PTPRM: variants seen among roughly 807,000 people sequenced by gnomAD.
PTPRM encodes the protein receptor-type tyrosine-protein phosphatase mu.
Under a neutral mutation model 186.7 loss-of-function variants are expected in PTPRM, and 47 were observed. The observed-to-expected ratio is 0.25, with a 90% CI of 0.20 to 0.32. The LOEUF (loss-of-function observed/expected upper bound fraction) is 0.32. PTPRM is among the 10% of genes least tolerant of loss of function. PTPRM has a pLI of 1.00. For missense variants in PTPRM, 1,494 were observed against 1,865.0 expected (o/e 0.80, Z 3.66); for synonymous variants, 668 against 674.9 (o/e 0.99, Z 0.16).
chr18:8,336,460 G>A (rs906162271), intron 22 of PTPRM, among the ~76,000 whole-genome samples: 1 of 152,036 alleles, frequency 6.6e-6, no homozygotes, highest in South Asian at 2.1e-4. Context: ...GCTGAGGTGG[G>A]AGGATCACTT....
chr18:8,332,585 C>A (rs1230511653), intron 22 of PTPRM, among the ~76,000 whole-genome samples: 3 of 152,054 alleles, frequency 2.0e-5, no homozygotes, highest in Non-Finnish European at 4.4e-5. Context: ...GGGTTGTGTG[C>A]GCTGGAGAAA....
intron 11 of PTPRM, among the ~76,000 whole-genome samples, chr18:8,090,809 C>T (rs967435333): frequency 3.9e-5 from 6 of 152,024 alleles, no homozygotes; most frequent in African/African-American, 1.4e-4. Flanking sequence ...TGACCAGGCT[C>T]GTCTTGAACT....
chr18:7,898,475 C>T (rs1666894861), intron 3 of PTPRM, among the ~76,000 whole-genome samples: 1 of 152,182 alleles, frequency 6.6e-6, no homozygotes, highest in South Asian at 2.1e-4. Flanking sequence ...ACTGCTTCTG[C>T]ATTTCTCCTG....
intron 1 of PTPRM, among the ~76,000 whole-genome samples, chr18:7,753,379 G>A (rs919267429): frequency 3.3e-5 from 5 of 151,992 alleles, no homozygotes; most frequent in Non-Finnish European, 7.4e-5. Context: ...AGGAAGCAGC[G>A]TGTTTTAAGA....
At chr18:8,046,948 A>G (rs1467652718) in intron 7 of PTPRM, among the ~76,000 whole-genome samples, 1 of 152,190 alleles carries the variant, frequency 6.6e-6, no homozygotes, top group African/African-American at 2.4e-5. Context: ...GCAACAAGGT[A>G]TTAATAAGCG....
chr18:7,961,165 A>G (rs1463482067), intron 7 of PTPRM, among the ~76,000 whole-genome samples: 1 of 152,162 alleles, frequency 6.6e-6, no homozygotes, highest in East Asian at 1.9e-4. Flanking sequence ...TTATTTTTAA[A>G]TGTACAATTA....
chr18:7,773,583 T>TG (rs1488501272), intron 1 of PTPRM, among the ~76,000 whole-genome samples: 3 of 150,572 alleles, frequency 2.0e-5, no homozygotes, highest in African/African-American at 2.4e-5. Context: ...TTTTTTTTTT[T>TG]TTTTTGTTTG....
At chr18:7,700,659 G>C (rs761293780) in intron 1 of PTPRM, among the ~76,000 whole-genome samples, 3 of 152,134 alleles carry the variant, frequency 2.0e-5, no homozygotes, top group Non-Finnish European at 4.4e-5. Flanking sequence ...CCTCCCAGGC[G>C]CCTGGAAGAT....
At chr18:7,999,606 G>A (rs1221331163) in intron 7 of PTPRM, among the ~76,000 whole-genome samples, 2 of 151,716 alleles carry the variant, frequency 1.3e-5, no homozygotes, top group Non-Finnish European at 2.9e-5. Context: ...AGGAGATAGT[G>A]GTAAGGTATT....
At chr18:8,273,963 C>T (rs2094803608) in intron 19 of PTPRM, among the ~76,000 whole-genome samples, 1 of 152,086 alleles carries the variant, frequency 6.6e-6, no homozygotes, top group African/African-American at 2.4e-5. Flanking sequence ...TTTCAATCCC[C>T]CAGCTCCTCT....
intron 2 of PTPRM, among the ~76,000 whole-genome samples, chr18:7,867,375 T>A (rs2047762469): frequency 6.6e-6 from 1 of 152,216 alleles, no homozygotes; most frequent in Non-Finnish European, 1.5e-5. Context: ...CTTGAGGAGT[T>A]CTTGTATTGC....
intron 13 of PTPRM, among the ~76,000 whole-genome samples, chr18:8,138,215 T>C (rs76151843): frequency 2.9e-4 from 44 of 149,606 alleles, no homozygotes; most frequent in South Asian, 1.3e-3. Flanking sequence ...CTTTTTTTTT[T>C]TCCCTCCTCT....
intron 23 of PTPRM, among the ~76,000 whole-genome samples, chr18:8,363,816 G>A (rs1430199394): frequency 6.6e-6 from 1 of 152,192 alleles, no homozygotes; most frequent in Non-Finnish European, 1.5e-5. Context: ...TTCTCGTGTG[G>A]TTTGTAGGAT....
At chr18:7,710,648 T>A (rs1048763108) in intron 1 of PTPRM, among the ~76,000 whole-genome samples, 3 of 152,108 alleles carry the variant, frequency 2.0e-5, no homozygotes, top group African/African-American at 7.2e-5. Context: ...TAGAAAACCC[T>A]AAAGATTCAT....
chr18:8,241,054 G>A (rs142356946), intron 14 of PTPRM, among the ~76,000 whole-genome samples: 1,596 of 152,278 alleles, frequency 0.01, 28 homozygotes, highest in African/African-American at 0.036. Flanking sequence ...GTGGCCAGGC[G>A]CAGTGGCTCA....
At chr18:7,617,234 T>C (rs780440378) in intron 1 of PTPRM, among the ~76,000 whole-genome samples, 1 of 152,170 alleles carries the variant, frequency 6.6e-6, no homozygotes, top group Non-Finnish European at 1.5e-5. Flanking sequence ...TTTATGGTTT[T>C]AAAGGGAGTT....
intron 2 of PTPRM, among the ~76,000 whole-genome samples, chr18:7,840,911 G>C (rs1334797967): frequency 3.3e-5 from 5 of 152,178 alleles, no homozygotes; most frequent in African/African-American, 4.8e-5. Flanking sequence ...TGTAAGACAG[G>C]CTTCACTTAT....
chr18:7,829,817 ATCTCCCTCCCTC>A (rs2045669659), intron 2 of PTPRM, among the ~76,000 whole-genome samples: 1 of 151,154 alleles, frequency 6.6e-6, no homozygotes, highest in South Asian at 2.1e-4. Context: ...GGGAATTGGA[ATCTCCCTCCCTC>A]TCTCCCTCCC....
intron 2 of PTPRM, among the ~76,000 whole-genome samples, chr18:7,842,816 G>A (rs184795324): frequency 4.4e-4 from 54 of 121,778 alleles, no homozygotes; most frequent in South Asian, 1.7e-3. Context: ...GTGTGTGTGT[G>A]TATATATATA....
Sources: allele counts gnomAD v4.1 joint callset (sites outside exome capture counted in the v4.1 genomes callset), GRCh38; gene constraint gnomAD v4.1.1; transcripts MANE v1.5; gene names NCBI Gene and HGNC (gene_info 2026-07-23, HGNC 2026-07-21).